MEIS2: variants seen among roughly 807,000 people sequenced by gnomAD.
MEIS2 encodes the protein homeobox protein Meis2.
MEIS2 carries 9 observed loss-of-function variants against 58.6 expected under a neutral mutation model. The ratio of observed to expected loss-of-function variants is 0.15; its 90% CI spans 0.09 to 0.27. The LOEUF (loss-of-function observed/expected upper bound fraction) is 0.27. MEIS2 is among the 10% of genes least tolerant of loss of function. The probability of loss-of-function intolerance (pLI) is 1.00; values close to 1 mark genes in which losing one functional copy is unlikely to be tolerated. For synonymous variants in MEIS2, 221 were observed against 228.4 expected, an observed-to-expected ratio of 0.97 and a Z score of 0.29; for missense variants, 427 against 635.0, an observed-to-expected ratio of 0.67 and a Z score of 3.52.
intron 8 of MEIS2, among the ~76,000 whole-genome samples, chr15:37,030,441 A>G (rs910608666): frequency 3.3e-5 from 5 of 151,920 alleles, no homozygotes; most frequent in Non-Finnish European, 7.4e-5. Flanking sequence ...GGCTCAAGCA[A>G]TTCTTGTGCC....
intron 7 of MEIS2, among the ~76,000 whole-genome samples, chr15:37,040,816 C>T (rs1306173468): frequency 2.6e-5 from 4 of 152,174 alleles, no homozygotes; most frequent in African/African-American, 9.7e-5. Flanking sequence ...GTTAAAAACA[C>T]AGGTCCCCAG....
intron 7 of MEIS2, among the ~76,000 whole-genome samples, chr15:37,060,386 C>T (rs1013467979): frequency 6.6e-6 from 1 of 152,138 alleles, no homozygotes; most frequent in Non-Finnish European, 1.5e-5. Flanking sequence ...TCTGGTTCTA[C>T]ACACTTTTCT....
intron 9 of MEIS2, among the ~76,000 whole-genome samples, chr15:36,934,848 C>T (rs904588124): frequency 1.3e-5 from 2 of 152,178 alleles, no homozygotes; most frequent in Non-Finnish European, 2.9e-5. Context: ...TAACCACTCC[C>T]ATAGTCATCA....
At chr15:37,082,749 A>AT (rs954142804) in intron 7 of MEIS2, among the ~76,000 whole-genome samples, 2 of 152,120 alleles carry the variant, frequency 1.3e-5, no homozygotes, top group Non-Finnish European at 2.9e-5. Context: ...TAGAAAGGAC[A>AT]TTTTTCTAGA....
At chr15:36,983,205 C>A (rs4473138) in intron 8 of MEIS2, among the ~76,000 whole-genome samples, 44,170 of 151,900 alleles carry the variant, frequency 0.29, 7,252 homozygotes, top group Middle Eastern at 0.5. Context: ...GGAGTCATAT[C>A]CAAAAAAATC....
At chr15:36,998,236 G>GTTTTTTTTTTTTTTTTTTTTT (rs5811954) in intron 8 of MEIS2, among the ~76,000 whole-genome samples, 1 of 66,752 alleles carries the variant, frequency 1.5e-5, no homozygotes, top group Non-Finnish European at 2.7e-5. Context: ...AAAACACAAA[G>GTTTTTTTTTTTTTTTTTTTTT]TTTTTTTTTT....
At chr15:37,092,741 T>C (rs1437362478) in intron 6 of MEIS2, among the ~76,000 whole-genome samples, 1 of 117,694 alleles carries the variant, frequency 8.5e-6, no homozygotes, top group Non-Finnish European at 1.7e-5. Flanking sequence ...TTTTTTTTTT[T>C]TTTTTTAGCA....
chr15:37,077,285 T>TTCTG (rs1199576791), intron 7 of MEIS2, among the ~76,000 whole-genome samples: 1 of 152,074 alleles, frequency 6.6e-6, no homozygotes, highest in African/African-American at 2.4e-5. Flanking sequence ...AATGGCACTG[T>TTCTG]AAACTCATCC....
At chr15:36,957,333 G>T (rs1379269357) in intron 8 of MEIS2, among the ~76,000 whole-genome samples, 4 of 152,064 alleles carry the variant, frequency 2.6e-5, no homozygotes, top group Admixed American at 2.0e-4. Flanking sequence ...GCAACCAAAG[G>T]CTGTGATAAT....
Position 36,892,465 on chromosome 15 carries a change from AAT to A in MEIS2, c.1148-8_1148-7del. The A allele has an allele frequency of 6.2e-7, 1 of 1,611,336 alleles. No homozygotes were observed. Among genetic ancestry groups the A allele is most frequent in the Non-Finnish European group, 8.5e-7 (1 of 1,179,186 alleles). Reference sequence around the variant, plus strand: ...CCCTGGCATGCTCTGCAAACCTGAAAATAGAGAGGGAAAAAGAAAGCGGGTCA... The same window carrying A: ...CCCTGGCATGCTCTGCAAACCTGAAAAGAGAGGGAAAAAGAAAGCGGGTCA... On this transcript the variant is annotated splice_region_variant and splice_polypyrimidine_tract_variant and intron_variant, in intron 11 of 11. Transcript: ENST00000561208.
chr15:37,061,250 G>A (rs1246287726), intron 7 of MEIS2, among the ~76,000 whole-genome samples: 1 of 152,152 alleles, frequency 6.6e-6, no homozygotes, highest in Non-Finnish European at 1.5e-5. Context: ...CAAACAGACG[G>A]AAGATGGGGA....
At position 36,892,081 on chromosome 15, in the gene MEIS2, A is replaced by G. The variant is rs1218238797; in HGVS notation, c.*92T>C. ...GTAAAAAATAATCACAGCTGTCTGG[A>G]ATTTCATATTAAGTGTCAACATCTG... is the stretch of plus-strand genomic sequence containing the variant. On this transcript the variant is annotated 3_prime_UTR_variant, in exon 12 of 12. Coordinates refer to ENST00000561208, the MANE Select transcript of MEIS2 (RefSeq NM_170675.5). 26 of 1,341,942 alleles carry G rather than the reference A, an allele frequency of 1.9e-5. No homozygotes were observed. The highest frequency in any genetic ancestry group is 2.5e-5 in the Non-Finnish European group (24 of 954,266). The allele number at this position is 1,341,942 out of a possible 1,614,324, so 83.1% of individuals were successfully genotyped here.
intron 8 of MEIS2, among the ~76,000 whole-genome samples, chr15:37,010,746 T>C (rs747992010): frequency 8.5e-5 from 13 of 152,250 alleles, no homozygotes; most frequent in Non-Finnish European, 1.8e-4. Context: ...TTAAAATGAA[T>C]TTTAAAACTT....
At chr15:37,101,303 C>CGTGTGTGTGTGT (rs371810726), upstream of MEIS2, 3 of 128,546 alleles carry the variant, frequency 2.3e-5, no homozygotes, top group African/African-American at 6.0e-5. Context: ...TAGCCAAAGG[C>CGTGTGTGTGTGT]GTGTGTGTGT....
At chr15:37,085,987 A>T (rs1462252384) in intron 6 of MEIS2, among the ~76,000 whole-genome samples, 2 of 152,230 alleles carry the variant, frequency 1.3e-5, no homozygotes, top group African/African-American at 4.8e-5. Flanking sequence ...GCATGGTGTG[A>T]GTTTAGTCCT....
At chr15:37,014,778 G>A (rs1478432722) in intron 8 of MEIS2, among the ~76,000 whole-genome samples, 1 of 151,742 alleles carries the variant, frequency 6.6e-6, no homozygotes, top group Non-Finnish European at 1.5e-5. Context: ...TGCCAAACAG[G>A]AAAGGGCCTT....
chr15:37,041,322 T>C (rs1028605223), intron 7 of MEIS2, among the ~76,000 whole-genome samples: 8 of 152,228 alleles, frequency 5.3e-5, no homozygotes, highest in African/African-American at 1.7e-4. Context: ...CGAGAACCAC[T>C]GCCATAAAGC....
intron 8 of MEIS2, among the ~76,000 whole-genome samples, chr15:36,983,117 T>C (rs1262617451): frequency 6.6e-6 from 1 of 152,120 alleles, no homozygotes; most frequent in East Asian, 1.9e-4. Flanking sequence ...CTCTGTTGAT[T>C]GTTTCCTTTG....
intron 8 of MEIS2, among the ~76,000 whole-genome samples, chr15:36,995,424 T>G (rs1172554711): frequency 6.6e-6 from 1 of 152,072 alleles, no homozygotes; most frequent in Non-Finnish European, 1.5e-5. Context: ...CATTCCTGAT[T>G]GAACATCTCT....
Sources: allele counts gnomAD v4.1 joint callset (sites outside exome capture counted in the v4.1 genomes callset), GRCh38; gene constraint gnomAD v4.1.1; transcripts MANE v1.5; gene names NCBI Gene and HGNC (gene_info 2026-07-23, HGNC 2026-07-21).